The following CDK6 variants were observed in gnomAD, a reference collection of about 807,000 sequenced individuals.
CDK6 encodes cyclin-dependent kinase 6.
A neutral mutation model predicts 37.1 loss-of-function variants in CDK6; 6 were observed. The ratio of observed to expected loss-of-function variants is 0.16; its 90% CI spans 0.09 to 0.32. The LOEUF (loss-of-function observed/expected upper bound fraction) is 0.32, where lower values mean the gene tolerates loss of function less well. CDK6 is among the 10% of genes least tolerant of loss of function. The probability of loss-of-function intolerance (pLI) is 1.00; values close to 1 mark genes in which losing one functional copy is unlikely to be tolerated. For missense variants in CDK6, 224 were observed against 418.9 expected (o/e 0.53, Z 4.06); for synonymous variants, 160 against 161.3 (o/e 0.99, Z 0.06).
intron 5 of CDK6, among the ~76,000 whole-genome samples, chr7:92,660,701 G>T (rs944418411): frequency 2.6e-4 from 39 of 152,294 alleles, no homozygotes; most frequent in African/African-American, 7.9e-4. Flanking sequence ...GGCCAGATTG[G>T]AGGGGCCCCA....
chr7:92,665,872 C>G (rs1416396520), intron 5 of CDK6, among the ~76,000 whole-genome samples: 1 of 152,222 alleles, frequency 6.6e-6, no homozygotes, highest in African/African-American at 2.4e-5. Context: ...GGTCTTGGCT[C>G]TGTCATTTGA....
intron 4 of CDK6, among the ~76,000 whole-genome samples, chr7:92,703,334 A>G (rs555154768): frequency 6.6e-6 from 1 of 152,326 alleles, no homozygotes; most frequent in East Asian, 1.9e-4. Context: ...CTTAAAACTC[A>G]TTAGACACAG....
intron 5 of CDK6, among the ~76,000 whole-genome samples, chr7:92,640,121 T>C (rs554231202): frequency 6.6e-6 from 1 of 152,288 alleles, no homozygotes; most frequent in East Asian, 1.9e-4. Flanking sequence ...CCACAGGCAC[T>C]GGCTAGCACA....
At chr7:92,697,112 T>A (rs1797738438) in intron 4 of CDK6, among the ~76,000 whole-genome samples, 2 of 152,226 alleles carry the variant, frequency 1.3e-5, no homozygotes, top group South Asian at 4.1e-4. Context: ...AATTGGCTCT[T>A]AATAAGTGCT....
At chr7:92,695,144 G>A (rs1797679989) in intron 4 of CDK6, among the ~76,000 whole-genome samples, 1 of 151,928 alleles carries the variant, frequency 6.6e-6, no homozygotes, top group African/African-American at 2.4e-5. Context: ...ATAAATGGCA[G>A]TGTAAATATA....
chr7:92,760,166 G>A (rs1282753961), intron 3 of CDK6, among the ~76,000 whole-genome samples: 1 of 152,078 alleles, frequency 6.6e-6, no homozygotes, highest in Non-Finnish European at 1.5e-5. Context: ...ACTCTCATCA[G>A]CAATTGCTTC....
chr7:92,617,141 A>T (rs1795699767), intron 7 of CDK6, among the ~76,000 whole-genome samples: 1 of 152,190 alleles, frequency 6.6e-6, no homozygotes, highest in Non-Finnish European at 1.5e-5. Context: ...CTCTCACCAT[A>T]GGGGGAGCAT....
chr7:92,744,828 G>C (rs1387960510), intron 3 of CDK6, among the ~76,000 whole-genome samples: 1 of 152,110 alleles, frequency 6.6e-6, no homozygotes, highest in African/African-American at 2.4e-5. Flanking sequence ...AGAGTGGAAA[G>C]TTTGTAAGTA....
intron 5 of CDK6, among the ~76,000 whole-genome samples, 199 bp from the exon 6 acceptor site, chr7:92,623,285 C>G (rs899803402): frequency 6.6e-6 from 1 of 152,072 alleles, no homozygotes; most frequent in Admixed American, 6.6e-5. Flanking sequence ...CTCATGAATA[C>G]CTGGTGGTAG....
At chr7:92,800,631 G>C (rs373279964) in intron 2 of CDK6, among the ~76,000 whole-genome samples, 13 of 152,258 alleles carry the variant, frequency 8.5e-5, no homozygotes, top group African/African-American at 3.1e-4. Flanking sequence ...TATAGTAGGT[G>C]CCTTGCATTC....
chr7:92,672,190 T>TACACAAACACAC (rs1273649011), intron 4 of CDK6, among the ~76,000 whole-genome samples: 3 of 62,790 alleles, frequency 4.8e-5, no homozygotes, highest in African/African-American at 3.1e-4. Flanking sequence ...CACAGACACA[T>TACACAAACACAC]ACACACACAC....
At position 92,729,991 on chromosome 7, in the gene CDK6, G is replaced by A. The variant is rs1037551560; in HGVS notation, c.370-4198C>T. Among the ~76,000 whole-genome samples, 7 of 152,240 alleles carry A rather than the reference G, an allele frequency of 4.6e-5. No individual in the cohort carries two copies. The East Asian group carries it at 5.8e-4, about 13-fold the overall frequency. On this transcript the variant is annotated intron_variant, in intron 3 of 7. Transcript: ENST00000424848. ...CTGGCCTCGAGCCATGAATCCTTCC[G>A]CCTTGGCCTCCCAAAGTGCTGCAAT...
intron 2 of CDK6, among the ~76,000 whole-genome samples, chr7:92,801,690 C>T (rs1020402953): frequency 4.0e-5 from 6 of 151,058 alleles, no homozygotes; most frequent in African/African-American, 1.5e-4. Context: ...GGTGTGATAT[C>T]GGTTCACTGT....
At chr7:92,644,295 A>G (rs1796389244) in intron 5 of CDK6, among the ~76,000 whole-genome samples, 1 of 152,208 alleles carries the variant, frequency 6.6e-6, no homozygotes, top group Non-Finnish European at 1.5e-5. Context: ...CTGGGAGAAC[A>G]GAAGCTCCCC....
rs142306289 is a variant in CDK6, at chr7:92,732,411, CAGA to C, written c.370-6621_370-6619del. ...CAGCCTGGGCGACAGCTCTCAAAAACAGAAGAAGAAATTTTAATAAGCTTTCTA... is the reference window on the plus strand; with the variant it reads ...CAGCCTGGGCGACAGCTCTCAAAAACAGAAGAAATTTTAATAAGCTTTCTA... On this transcript the variant is annotated intron_variant, in intron 3 of 7. Coordinates refer to ENST00000424848, the MANE Select transcript of CDK6 (RefSeq NM_001145306.2). Among the ~76,000 whole-genome samples the C allele has an allele frequency of 8.6e-3, 1,316 of 152,268 alleles. 23 individuals carry two copies. Among genetic ancestry groups the C allele is most frequent in the African/African-American group, 0.03 (1,258 of 41,554 alleles).
chr7:92,779,156 T>C (rs879929890), intron 2 of CDK6, among the ~76,000 whole-genome samples: 2 of 152,022 alleles, frequency 1.3e-5, no homozygotes, highest in Non-Finnish European at 2.9e-5. Flanking sequence ...AATTTAAAAA[T>C]AACATCTAAC....
At chr7:92,710,550 C>T (rs899987427) in intron 4 of CDK6, 8 of 220,584 alleles carry the variant, frequency 3.6e-5, no homozygotes, top group East Asian at 1.8e-4. Flanking sequence ...CAGATTTAAA[C>T]GTTATTATTA....
At chr7:92,666,420 T>C (rs559288175) in intron 5 of CDK6, among the ~76,000 whole-genome samples, 1 of 152,356 alleles carries the variant, frequency 6.6e-6, no homozygotes, top group Non-Finnish European at 1.5e-5. Context: ...TTATAGGGTT[T>C]CCAACATGTG....
chr7:92,784,757 A>G (rs892993594), intron 2 of CDK6, among the ~76,000 whole-genome samples: 3 of 152,176 alleles, frequency 2.0e-5, no homozygotes, highest in Admixed American at 6.5e-5. Flanking sequence ...TTTTCTTTCA[A>G]TTCTCAGTGG....
Sources: gnomAD v4.1 joint callset for allele counts (sites outside exome capture counted in the v4.1 genomes callset) on GRCh38, gnomAD v4.1.1 for gene constraint, MANE v1.5 for transcripts, NCBI Gene and HGNC (gene_info 2026-07-23, HGNC 2026-07-21) for gene names.